The following SPOCK3 variants were observed in gnomAD, a reference collection of about 807,000 sequenced individuals.
SPOCK3 encodes the protein testican-3.
In SPOCK3, 30 loss-of-function variants were observed where a neutral mutation model predicts 56.6. The ratio of observed to expected loss-of-function variants is 0.53; its 90% CI spans 0.40 to 0.72. The LOEUF is 0.72. Among genes scored for constraint, SPOCK3 ranks in the 30% least tolerant of loss-of-function variants. The pLI is 0.00. For synonymous variants in SPOCK3, 196 were observed against 183.3 expected (o/e 1.07, Z -0.56); for missense variants, 527 against 530.0 (o/e 0.99, Z 0.06).
At position 167,130,823 on chromosome 4, in the gene SPOCK3, A is replaced by G. The variant is rs116587509; in HGVS notation, c.190-68286T>C. On this transcript the variant is annotated intron_variant, in intron 2 of 10. Transcript: ENST00000357545. ...ATCACAAAATACTGTATTATAAACC[A>G]TGTCACTAGAAAAATTTAGATTAAA... 3.5e-3 allele frequency among the ~76,000 whole-genome samples: 535 copies of G among 152,284 alleles called. 4 individuals carry two copies. The highest frequency in any genetic ancestry group is 0.012 in the African/African-American group (508 of 41,558).
chr4:166,918,104 T>G (rs1351524194), intron 4 of SPOCK3, among the ~76,000 whole-genome samples: 1 of 152,188 alleles, frequency 6.6e-6, no homozygotes, highest in Non-Finnish European at 1.5e-5. Context: ...ATTTCTTCCC[T>G]ATTGGTCATA....
intron 6 of SPOCK3, among the ~76,000 whole-genome samples, chr4:166,836,808 T>C (rs1469694346): frequency 6.6e-6 from 1 of 152,196 alleles, no homozygotes; most frequent in Non-Finnish European, 1.5e-5. Context: ...AATTCCCCGA[T>C]CTTGGTATCT....
chr4:166,755,897 G>T lies in SPOCK3; in HGVS notation c.710-1168C>A, dbSNP rs544082361. ...ATTAAAAATTAAATAAGAGATTTGG[G>T]ACAGGAACAGCTCCGGTCTACAGCT... is the stretch of plus-strand genomic sequence containing the variant. On this transcript the variant is annotated intron_variant, in intron 7 of 10. Coordinates refer to ENST00000357545, the MANE Select transcript of SPOCK3 (RefSeq NM_001040159.2). Among the ~76,000 whole-genome samples, 6 of 72,684 alleles carry T rather than the reference G, an allele frequency of 8.3e-5. 3 individuals are homozygous for T. The South Asian group carries it at 2.9e-3, about 35-fold the overall frequency. The allele number at this position is 72,684 out of a possible 152,430, so 47.7% of individuals were successfully genotyped here.
intron 3 of SPOCK3, among the ~76,000 whole-genome samples, chr4:167,017,070 G>T (rs1441040258): frequency 6.6e-6 from 1 of 152,112 alleles, no homozygotes; most frequent in Non-Finnish European, 1.5e-5. Context: ...TGGAATAAAT[G>T]AGGGGAAAAA....
At chr4:166,863,185 A>G (rs1005553521) in intron 6 of SPOCK3, among the ~76,000 whole-genome samples, 3 of 152,110 alleles carry the variant, frequency 2.0e-5, no homozygotes, top group African/African-American at 7.2e-5. Context: ...AAGGAGAAAT[A>G]AAATCCTTTA....
intron 2 of SPOCK3, among the ~76,000 whole-genome samples, chr4:167,113,045 C>T (rs376314677): frequency 6.6e-6 from 1 of 151,974 alleles, no homozygotes; most frequent in African/African-American, 2.4e-5. Flanking sequence ...ATCTTAGCAG[C>T]AGGTAGAAAG....
At chr4:166,917,066 G>A (rs1239635483) in intron 4 of SPOCK3, among the ~76,000 whole-genome samples, 1 of 152,110 alleles carries the variant, frequency 6.6e-6, no homozygotes, top group African/African-American at 2.4e-5. Flanking sequence ...CCAGTCATAT[G>A]ATAACCAATG....
At chr4:167,134,284 C>T (rs1762937831) in intron 2 of SPOCK3, among the ~76,000 whole-genome samples, 1 of 151,868 alleles carries the variant, frequency 6.6e-6, no homozygotes, top group Non-Finnish European at 1.5e-5. Flanking sequence ...CTGCCTGCCT[C>T]AGTCTCCCAA....
intron 2 of SPOCK3, among the ~76,000 whole-genome samples, chr4:167,180,750 G>C (rs529712058): frequency 6.6e-6 from 1 of 152,138 alleles, no homozygotes; most frequent in African/African-American, 2.4e-5. Flanking sequence ...ACTTAAGAAA[G>C]GCTAGATTTA....
rs370750539 is a variant in SPOCK3 at position 167,217,321 on chromosome 4, T to C, written c.189+16664A>G. Among the ~76,000 whole-genome samples, 30 of 152,158 alleles carry C rather than the reference T, an allele frequency of 2.0e-4. 2 individuals are homozygous for C. The East Asian group carries it at 4.8e-3, about 24-fold the overall frequency. On this transcript the variant is annotated intron_variant, in intron 2 of 10. Transcript: ENST00000357545. Reference sequence around the variant, plus strand: ...CTGAAAATACCGAGGAAAAAAAGAATGGATGGTTGCCTCTCTACTGAACAT... The same window carrying C: ...CTGAAAATACCGAGGAAAAAAAGAACGGATGGTTGCCTCTCTACTGAACAT...
At chr4:166,912,879 T>C in intron 4 of SPOCK3, 136 bp from the exon 5 acceptor site, 1 of 718,986 alleles carries the variant, frequency 1.4e-6, no homozygotes, top group Non-Finnish European at 2.1e-6. Flanking sequence ...TCATTTTTAA[T>C]TTATTATTTC....
intron 2 of SPOCK3, among the ~76,000 whole-genome samples, chr4:167,112,533 G>A (rs369487221): frequency 1.3e-5 from 2 of 152,036 alleles, no homozygotes; most frequent in South Asian, 2.1e-4. Context: ...GATTGAGGGG[G>A]CTGTCATGTC....
At chr4:166,792,362 C>T in intron 6 of SPOCK3, 73 bp from the exon 7 acceptor site, 1 of 1,517,890 alleles carries the variant, frequency 6.6e-7, no homozygotes, top group South Asian at 1.2e-5. Context: ...TCTCATTAGT[C>T]CAATAAACTG....
At chr4:167,222,058 G>C (rs1473338151) in intron 2 of SPOCK3, among the ~76,000 whole-genome samples, 2 of 151,988 alleles carry the variant, frequency 1.3e-5, no homozygotes, top group Non-Finnish European at 2.9e-5. Context: ...AGTAACCCAA[G>C]GTTTTTTATT....
At chr4:166,856,684 G>A (rs113177836) in intron 6 of SPOCK3, among the ~76,000 whole-genome samples, 14 of 152,162 alleles carry the variant, frequency 9.2e-5, no homozygotes, top group African/African-American at 3.1e-4. Context: ...TGAGGCAGGA[G>A]AATTGCTTGA....
At chr4:166,963,664 T>C (rs1433418540) in intron 4 of SPOCK3, among the ~76,000 whole-genome samples, 1 of 151,976 alleles carries the variant, frequency 6.6e-6, no homozygotes, top group African/African-American at 2.4e-5. Context: ...AAATTAAAAT[T>C]TGCTATTAAA....
chr4:167,232,529 T>C (rs114688570), intron 2 of SPOCK3, among the ~76,000 whole-genome samples: 184 of 152,308 alleles, frequency 1.2e-3, no homozygotes, highest in African/African-American at 4.1e-3. Context: ...TGTTCAATTT[T>C]CGTTTTTGTT....
chr4:167,233,955 T>G, intron 2 of SPOCK3, 30 bp downstream of exon 2: 1 of 1,594,956 alleles, frequency 6.3e-7, no homozygotes, highest in Middle Eastern at 1.7e-4. Context: ...CGCGCGCGTG[T>G]GCCCGGGGAT....
chr4:166,854,187 A>C (rs969413271), intron 6 of SPOCK3, among the ~76,000 whole-genome samples: 1 of 152,176 alleles, frequency 6.6e-6, no homozygotes, highest in African/African-American at 2.4e-5. Flanking sequence ...TACATCAGCA[A>C]ACCTTAGAAT....
Sources: gnomAD v4.1 joint callset for allele counts (sites outside exome capture counted in the v4.1 genomes callset) on GRCh38, gnomAD v4.1.1 for gene constraint, MANE v1.5 for transcripts, NCBI Gene and HGNC (gene_info 2026-07-23, HGNC 2026-07-21) for gene names.